Variants in FAM20B observed in about 807,000 individuals in gnomAD.
The protein encoded by FAM20B is glycosaminoglycan xylosylkinase.
Under a neutral mutation model 43.8 loss-of-function variants are expected in FAM20B, and 23 were observed. The ratio of observed to expected loss-of-function variants is 0.53; its 90% CI spans 0.38 to 0.74. The LOEUF is 0.74. FAM20B is among the 30% of genes least tolerant of loss of function. The pLI, the probability that FAM20B is intolerant of heterozygous loss-of-function variation, is 0.00. For missense variants in FAM20B, 440 were observed against 510.5 expected, an observed-to-expected ratio of 0.86 and a Z score of 1.33; for synonymous variants, 178 against 192.4, an observed-to-expected ratio of 0.93 and a Z score of 0.62.
At chr1:179,070,515 CTTTTTTTTTTTT>C (rs61169246) in intron 7 of FAM20B, among the ~76,000 whole-genome samples, 6 of 57,754 alleles carry the variant, frequency 1.0e-4, no homozygotes, top group African/African-American at 2.9e-4. Flanking sequence ...CTGAACTCGC[CTTTTTTTTTTTT>C]TTTTTTTTTT....
In FAM20B at chr1:179,050,281, A is replaced by G. The variant is rs1020060175; in HGVS notation, c.380A>G (p.Tyr127Cys). 5 of 1,612,078 alleles carry G rather than the reference A, an allele frequency of 3.1e-6. No homozygotes were observed. Among genetic ancestry groups the G allele is most frequent in the Admixed American group, 3.3e-5 (2 of 60,002 alleles). Reference protein sequence around the residue: ...GQKVVFKPKRYSRDHVVEGEP... With the variant: ...GQKVVFKPKRCSRDHVVEGEP... ...TGTGCTTCCCATTCACTTTGCAGGT[A>G]TAGCCGAGACCATGTGGTGGAAGGG... Residue 127 changes from tyrosine (Y) to cysteine (C), a missense_variant and splice_region_variant, in exon 3 of 8, where the codon TAT becomes TGT. Transcript: ENST00000263733.
the FAM20B span, among the ~76,000 whole-genome samples, chr1:179,017,732 T>C: frequency 6.6e-6 from 1 of 152,236 alleles, no homozygotes; most frequent in Non-Finnish European, 1.5e-5. Context: ...CACCAGAAGT[T>C]AGTGCCATGG....
chr1:179,028,289 T>G (rs966955577), intron 1 of FAM20B, among the ~76,000 whole-genome samples: 2 of 152,160 alleles, frequency 1.3e-5, no homozygotes, highest in Non-Finnish European at 2.9e-5. Flanking sequence ...TAAGAATACA[T>G]AAAAAGACAG....
intron 3 of FAM20B, 29 bp from the exon 4 acceptor site, chr1:179,054,500 C>A (rs768446801): frequency 7.1e-7 from 1 of 1,411,648 alleles, no homozygotes; most frequent in Non-Finnish European, 1.0e-6. Context: ...TAAGATTTTT[C>A]TCTTCTGTTC....
At chr1:179,033,218 G>A (rs1650080629) in intron 1 of FAM20B, among the ~76,000 whole-genome samples, 1 of 152,238 alleles carries the variant, frequency 6.6e-6, no homozygotes, top group Non-Finnish European at 1.5e-5. Flanking sequence ...GTGAATGTGT[G>A]AGGTTAGCCT....
At chr1:179,041,248 C>T (rs919752271) in intron 1 of FAM20B, among the ~76,000 whole-genome samples, 1 of 152,230 alleles carries the variant, frequency 6.6e-6, no homozygotes. Context: ...ACTTCCCAGA[C>T]GGGGTGGCGG....
chr1:179,054,429 C>T, intron 3 of FAM20B, 100 bp from the exon 4 acceptor site: 3 of 699,886 alleles, frequency 4.3e-6, no homozygotes, highest in Non-Finnish European at 7.6e-6. Context: ...AGCTAAAAAC[C>T]CTTTACACAT....
chr1:179,020,886 T>G (rs543099905), upstream of FAM20B, among the ~76,000 whole-genome samples: 2 of 152,206 alleles, frequency 1.3e-5, no homozygotes, highest in African/African-American at 4.8e-5. Context: ...GCCTGGCCAC[T>G]GTGGCAAAAC....
intron 4 of FAM20B, among the ~76,000 whole-genome samples, chr1:179,061,278 A>G (rs1651454962): frequency 6.6e-6 from 1 of 152,104 alleles, no homozygotes; most frequent in African/African-American, 2.4e-5. Context: ...GGGTTTCGCC[A>G]TGTTGGCCAG....
At chr1:179,046,800 C>T (rs1650792529) in intron 2 of FAM20B, among the ~76,000 whole-genome samples, 1 of 151,022 alleles carries the variant, frequency 6.6e-6, no homozygotes, top group African/African-American at 2.4e-5. Context: ...GTCAGGAGTT[C>T]GAGACCAGCC....
chr1:179,060,392 G>A (rs1651414315), intron 4 of FAM20B, among the ~76,000 whole-genome samples: 1 of 152,004 alleles, frequency 6.6e-6, no homozygotes, highest in Non-Finnish European at 1.5e-5. Flanking sequence ...CTGCGGAATA[G>A]TACCAGTCTG....
rs1305904042 is a variant in FAM20B, at chr1:179,039,743, T to TTTA, written c.-133-3970_-133-3969insATT. 5.6e-3 allele frequency among the ~76,000 whole-genome samples: 342 copies of TTTA among 61,082 alleles called. 1 individual carries two copies. The highest frequency in any genetic ancestry group is 0.019 in the African/African-American group (316 of 16,452). The allele number at this position is 61,082 out of a possible 152,430, so 40.1% of individuals were successfully genotyped here. On this transcript the variant is annotated intron_variant, in intron 1 of 7. Coordinates refer to ENST00000263733, the MANE Select transcript of FAM20B (RefSeq NM_014864.4). ...TGGCATTTTATTTATTTATTTATTATTTTTTTTTATTGATCATTCTTGGGT... is the reference window on the plus strand; with the variant it reads ...TGGCATTTTATTTATTTATTTATTATTTATTTTTTTTATTGATCATTCTTGGGT...
intron 1 of FAM20B, among the ~76,000 whole-genome samples, chr1:179,028,557 G>C (rs558463543): frequency 8.5e-5 from 13 of 152,340 alleles, no homozygotes; most frequent in African/African-American, 3.1e-4. Flanking sequence ...ACTCCAGACT[G>C]CTGACAGTGA....
At chr1:179,044,376 A>G (rs1008608018) in intron 2 of FAM20B, 152 bp downstream of exon 2, 4 of 806,668 alleles carry the variant, frequency 5.0e-6, no homozygotes, top group Non-Finnish European at 7.6e-6. Flanking sequence ...CTAGCACTTA[A>G]CATGAATCTA....
intron 2 of FAM20B, among the ~76,000 whole-genome samples, chr1:179,046,595 T>C (rs1650783132): frequency 6.6e-6 from 1 of 151,950 alleles, no homozygotes; most frequent in African/African-American, 2.4e-5. Context: ...AAGGTTGCGG[T>C]GAGCTGAGAT....
Position 179,074,360 on chromosome 1 carries a change from G to C in FAM20B, c.*2216G>C, listed in dbSNP as rs1339653888. 6.6e-6 allele frequency: 1 copy of C among 152,646 alleles called. No homozygotes were observed. The highest frequency in any genetic ancestry group is 1.5e-5 in the Non-Finnish European group (1 of 68,048). The allele number at this position is 152,646 out of a possible 1,614,324, so 9.5% of individuals were successfully genotyped here. A position where few individuals can be genotyped will look rare whatever the true frequency, so the allele number is the denominator to read the frequency against. On this transcript the variant is annotated 3_prime_UTR_variant, in exon 8 of 8. Transcript: ENST00000263733. ...TACCTTGGTTAGTGCTCACCCACAA[G>C]CTTCCAGGAGCCAGCTGGGAGGAGA...
intron 7 of FAM20B, among the ~76,000 whole-genome samples, chr1:179,068,119 T>C (rs533096577): frequency 6.6e-6 from 1 of 152,280 alleles, no homozygotes; most frequent in African/African-American, 2.4e-5. Context: ...CCACCTTGCT[T>C]GGCTACACAG....
intron 3 of FAM20B, 41 bp downstream of exon 3, chr1:179,050,406 T>C (rs1264905851): frequency 1.3e-6 from 2 of 1,502,258 alleles, no homozygotes; most frequent in Non-Finnish European, 1.9e-6. Flanking sequence ...TTTGTTTGCT[T>C]TCAAAAATCT....
At chr1:179,030,835 C>T (rs1336401051) in intron 1 of FAM20B, among the ~76,000 whole-genome samples, 1 of 151,822 alleles carries the variant, frequency 6.6e-6, no homozygotes, top group Non-Finnish European at 1.5e-5. Context: ...TAAAATCTAT[C>T]CCATCCTCAA....
Sources: gnomAD v4.1 joint callset for allele counts (sites outside exome capture counted in the v4.1 genomes callset) on GRCh38, gnomAD v4.1.1 for gene constraint, MANE v1.5 for transcripts, NCBI Gene and HGNC (gene_info 2026-07-23, HGNC 2026-07-21) for gene names.